SYBU: variants seen among roughly 807,000 people sequenced by gnomAD.
SYBU encodes syntabulin.
SYBU carries 21 observed loss-of-function variants against 35.9 expected under a neutral mutation model. The observed-to-expected ratio is 0.58, with a 90% CI of 0.41 to 0.84. The LOEUF is 0.84. SYBU is among the 40% of genes least tolerant of loss of function. The probability of loss-of-function intolerance (pLI) is 0.00; values close to 1 mark genes in which losing one functional copy is unlikely to be tolerated. For missense variants in SYBU, 768 were observed against 848.2 expected, an observed-to-expected ratio of 0.91 and a Z score of 1.17; for synonymous variants, 319 against 324.3, an observed-to-expected ratio of 0.98 and a Z score of 0.18.
At chr8:109,657,378 A>G (rs1027882038) in intron 1 of SYBU, among the ~76,000 whole-genome samples, 20 of 152,246 alleles carry the variant, frequency 1.3e-4, no homozygotes, top group African/African-American at 4.6e-4. Context: ...CAGAAAGAAT[A>G]TGACACCCCT....
intron 3 of SYBU, chr8:109,608,059 G>T (rs922796681): frequency 9.7e-7 from 1 of 1,028,412 alleles, no homozygotes; most frequent in Non-Finnish European, 1.4e-6. Flanking sequence ...TATCCATGGA[G>T]ACTGAGCCTT....
At chr8:109,645,117 G>C, upstream of SYBU, 1 of 463,540 alleles carries the variant, frequency 2.2e-6, no homozygotes. Context: ...CTTGATCTCA[G>C]GTTTGAAGTG....
chr8:109,676,947 T>C (rs1398023367), intron 1 of SYBU, among the ~76,000 whole-genome samples: 1 of 152,186 alleles, frequency 6.6e-6, no homozygotes, highest in Admixed American at 6.5e-5. Context: ...TTGGAATATA[T>C]GTTGTGGAAA....
chr8:109,578,672 C>T (rs1822646078), intron 5 of SYBU, among the ~76,000 whole-genome samples: 1 of 152,146 alleles, frequency 6.6e-6, no homozygotes, highest in Non-Finnish European at 1.5e-5. Context: ...AAATAATGCA[C>T]CATTGTCCAG....
chr8:109,610,891 G>A (rs1436769939), intron 3 of SYBU, among the ~76,000 whole-genome samples: 1 of 152,144 alleles, frequency 6.6e-6, no homozygotes, highest in Non-Finnish European at 1.5e-5. Flanking sequence ...ATGCAGGAAT[G>A]GCCCCAAGCT....
chr8:109,642,235 C>T (rs1454083583), intron 2 of SYBU, among the ~76,000 whole-genome samples: 2 of 152,060 alleles, frequency 1.3e-5, no homozygotes, highest in South Asian at 2.1e-4. Flanking sequence ...TGTTCTCACT[C>T]ATAAGTGGAA....
chr8:109,616,002 CT>C (rs1811725305), intron 3 of SYBU, among the ~76,000 whole-genome samples: 1 of 99,288 alleles, frequency 1.0e-5, no homozygotes, highest in Admixed American at 1.0e-4. Flanking sequence ...CTTTTCTTTT[CT>C]TTCTTTTTTT....
At chr8:109,576,820 A>AAGAT (rs1253648048) in intron 6 of SYBU, among the ~76,000 whole-genome samples, 16 of 152,154 alleles carry the variant, frequency 1.1e-4, no homozygotes, top group African/African-American at 3.1e-4. Context: ...AGTGGATATG[A>AAGAT]AGATAGGGTA....
chr8:109,593,043 G>T (rs1824462030), intron 3 of SYBU, among the ~76,000 whole-genome samples: 1 of 152,138 alleles, frequency 6.6e-6, no homozygotes, highest in Non-Finnish European at 1.5e-5. Context: ...TGTGCATGAA[G>T]ATTTATCTGG....
intron 6 of SYBU, 118 bp from the exon 7 acceptor site, chr8:109,576,131 T>G (rs1822286944): frequency 8.1e-7 from 1 of 1,241,996 alleles, no homozygotes; most frequent in Non-Finnish European, 1.1e-6. Context: ...GCTCATACTC[T>G]TCCACTTGAA....
intron 3 of SYBU, among the ~76,000 whole-genome samples, chr8:109,608,338 C>T (rs1329838861): frequency 2.0e-5 from 3 of 152,070 alleles, no homozygotes; most frequent in African/African-American, 4.8e-5. Flanking sequence ...TTATAATATC[C>T]CAATGGGCAA....
At chr8:109,611,574 C>A (rs982273960) in intron 3 of SYBU, among the ~76,000 whole-genome samples, 9 of 152,178 alleles carry the variant, frequency 5.9e-5, no homozygotes, top group African/African-American at 2.2e-4. Context: ...CATTCTTTCT[C>A]TCAGGGTGAA....
intron 1 of SYBU, among the ~76,000 whole-genome samples, chr8:109,650,395 G>A (rs989125650): frequency 1.3e-5 from 2 of 152,144 alleles, no homozygotes; most frequent in African/African-American, 4.8e-5. Context: ...TGCAAAAGAG[G>A]AAGACTTTGA....
At chr8:109,589,219 C>A (rs2129777951) in intron 3 of SYBU, among the ~76,000 whole-genome samples, 1 of 152,140 alleles carries the variant, frequency 6.6e-6, no homozygotes, top group East Asian at 1.9e-4. Flanking sequence ...AGGACCTCAG[C>A]TAGACAGCCT....
At chr8:109,662,046 TA>T (rs1816584057) in intron 1 of SYBU, among the ~76,000 whole-genome samples, 1 of 152,216 alleles carries the variant, frequency 6.6e-6, no homozygotes, top group East Asian at 1.9e-4. Context: ...ATGTCATTTT[TA>T]AAATTCTCCC....
intron 1 of SYBU, among the ~76,000 whole-genome samples, chr8:109,664,180 T>C (rs1248071292): frequency 6.6e-6 from 1 of 152,162 alleles, no homozygotes; most frequent in Non-Finnish European, 1.5e-5. Context: ...AAGAAGTACG[T>C]ACTGATTAAT....
At chr8:109,624,965 G>T (rs898522400) in intron 2 of SYBU, among the ~76,000 whole-genome samples, 1 of 152,100 alleles carries the variant, frequency 6.6e-6, no homozygotes, top group African/African-American at 2.4e-5. Flanking sequence ...GCTATCTGGC[G>T]CTTTATAGAA....
intron 1 of SYBU, among the ~76,000 whole-genome samples, chr8:109,671,115 T>C (rs1474713246): frequency 1.3e-5 from 2 of 152,200 alleles, no homozygotes; most frequent in African/African-American, 4.8e-5. Context: ...AAATGTGTAA[T>C]GTTGGTTCCC....
intron 4 of SYBU, 169 bp downstream of exon 4, chr8:109,585,891 A>T: frequency 1.7e-6 from 1 of 597,820 alleles, no homozygotes; most frequent in South Asian, 2.0e-5. Flanking sequence ...ACAGTTGGCA[A>T]GACAGGAAAA....
Sources: allele counts gnomAD v4.1 joint callset (sites outside exome capture counted in the v4.1 genomes callset), GRCh38; gene constraint gnomAD v4.1.1; transcripts MANE v1.5; gene names NCBI Gene and HGNC (gene_info 2026-07-23, HGNC 2026-07-21).